The following KIF2C variants were observed in gnomAD, a reference collection of about 807,000 sequenced individuals.
The protein encoded by KIF2C is kinesin family member 2C, also known as kinesin-like protein KIF2C.
A neutral mutation model predicts 97.4 loss-of-function variants in KIF2C; 34 were observed. That is an observed-to-expected ratio of 0.35 (90% CI 0.27 to 0.46). The LOEUF is 0.46. Among genes scored for constraint, KIF2C ranks in the 20% least tolerant of loss-of-function variants. The pLI is 1.00. For synonymous variants in KIF2C, 313 were observed against 318.2 expected (o/e 0.98, Z 0.17); for missense variants, 750 against 907.6 (o/e 0.83, Z 2.23).
At chr1:44,744,309 T>C (rs938344791) in intron 2 of KIF2C, among the ~76,000 whole-genome samples, 9 of 152,180 alleles carry the variant, frequency 5.9e-5, no homozygotes, top group African/African-American at 1.9e-4. Flanking sequence ...GGTTTCCCCA[T>C]GTTGACCAGG....
chr1:44,745,121 G>A (rs1226419745), intron 2 of KIF2C, among the ~76,000 whole-genome samples: 13 of 151,778 alleles, frequency 8.6e-5, no homozygotes, highest in East Asian at 3.9e-4. Context: ...CCTGGGAGGC[G>A]GAGGTTCCAG....
intron 2 of KIF2C, chr1:44,746,535 C>T: frequency 1.5e-6 from 2 of 1,338,620 alleles, no homozygotes; most frequent in Non-Finnish European, 9.5e-7. Context: ...TCTCACCAGA[C>T]AGTTAGAACT....
chr1:44,762,346 G>A lies in KIF2C; in HGVS notation c.1752G>A (p.Arg584=). Residue 584 remains arginine, a splice_region_variant and synonymous_variant, in exon 18 of 21, where the codon AGG becomes AGA. Transcript: ENST00000372224. ...YTLNTLRYAD[R]VKELSPHSGP... ...ATCTGAGACCTCCTTGTTTCCTCAG[G>A]GTCAAGGAGCTGAGCCCCCACAGTG... is the stretch of plus-strand genomic sequence containing the variant. The A allele has an allele frequency of 1.9e-6, 3 of 1,612,186 alleles. No homozygotes were observed. The highest frequency in any genetic ancestry group is 2.2e-5 in the East Asian group (1 of 44,872).
At chr1:44,745,504 G>T (rs1468018503) in intron 2 of KIF2C, among the ~76,000 whole-genome samples, 2 of 85,750 alleles carry the variant, frequency 2.3e-5, no homozygotes, top group East Asian at 7.3e-4. Flanking sequence ...ACAGTGTTTC[G>T]CTCTTGTTGC....
At chr1:44,745,986 C>T (rs886253893) in intron 2 of KIF2C, among the ~76,000 whole-genome samples, 2 of 152,114 alleles carry the variant, frequency 1.3e-5, no homozygotes, top group African/African-American at 2.4e-5. Context: ...ACGCCATTCT[C>T]CTGCCTCAGG....
At position 44,747,464 on chromosome 1, in the gene KIF2C, G is replaced by A; in HGVS notation, c.246G>A (p.Leu82=). The change falls in exon 3 of 21, where the codon TTG becomes TTA. Residue 82 remains leucine (L), a synonymous_variant. Transcript: ENST00000372224. The part of the protein sequence containing the change: ...LPLHPKDNLP[L]QENVTIQKQK... ...TACATCCGAAGGACAATCTGCCCTTGCAGGAAAATGTAACAATCCAGGTAG... is the reference window on the plus strand; with the variant it reads ...TACATCCGAAGGACAATCTGCCCTTACAGGAAAATGTAACAATCCAGGTAG... 1.2e-6 allele frequency: 2 copies of A among 1,608,426 alleles called. No homozygotes were observed. The highest frequency in any genetic ancestry group is 2.2e-5 in the South Asian group (2 of 89,150).
At chr1:44,756,799 G>T (rs146777168) in intron 10 of KIF2C, among the ~76,000 whole-genome samples, 22,437 of 151,076 alleles carry the variant, frequency 0.15, 2,098 homozygotes, top group Non-Finnish European at 0.2. Flanking sequence ...TGATCCGCTC[G>T]CCTTGGCCTC....
At chr1:44,744,224 C>G (rs560308616) in intron 2 of KIF2C, among the ~76,000 whole-genome samples, 1 of 152,272 alleles carries the variant, frequency 6.6e-6, no homozygotes, top group Admixed American at 6.5e-5. Flanking sequence ...TCTCCTCACT[C>G]AGTCTCCCAA....
At chr1:44,753,090 G>T in intron 5 of KIF2C, 42 bp from the exon 6 acceptor site, 1 of 1,587,660 alleles carries the variant, frequency 6.3e-7, no homozygotes, top group Non-Finnish European at 8.6e-7. Context: ...GATGCCTGTG[G>T]TATACTTGCC....
rs1650063038 is a variant in KIF2C at position 44,760,215 on chromosome 1, T to G, written c.1368-65T>G. 6.8e-7 allele frequency: 1 copy of G among 1,479,964 alleles called. No individual in the cohort carries two copies. The highest frequency in any genetic ancestry group is 1.4e-5 in the African/African-American group (1 of 72,336). The allele number at this position is 1,479,964 out of a possible 1,614,324, so 91.7% of individuals were successfully genotyped here. A position where few individuals can be genotyped will look rare whatever the true frequency, so the allele number is the denominator to read the frequency against. Reference sequence around the variant, plus strand: ...CTGTGTCCCTCCCTTCCTAGAGAACTTCTGTGGACTTGGGTGCCATGGGGG... The same window carrying G: ...CTGTGTCCCTCCCTTCCTAGAGAACGTCTGTGGACTTGGGTGCCATGGGGG... On this transcript the variant is annotated intron_variant, in intron 14 of 20. Coordinates refer to ENST00000372224, the MANE Select transcript of KIF2C (RefSeq NM_006845.4). This position sits in a 1 kb window ranked among gnomAD's most constrained non-coding sequence, Gnocchi z 4.2.
intron 1 of KIF2C, 170 bp downstream of exon 1, chr1:44,740,172 G>C: frequency 1.3e-6 from 1 of 782,186 alleles, no homozygotes. Context: ...GCCTACACAG[G>C]GGTGAGAGTC....
chr1:44,750,878 C>CT (rs1649475022), intron 5 of KIF2C, among the ~76,000 whole-genome samples: 1 of 152,098 alleles, frequency 6.6e-6, no homozygotes, highest in Non-Finnish European at 1.5e-5. Context: ...CGCCTGAGTT[C>CT]AAGCCCTGTT....
At chr1:44,752,870 T>C (rs6688710) in intron 5 of KIF2C, among the ~76,000 whole-genome samples, 74,128 of 151,996 alleles carry the variant, frequency 0.49, 18,709 homozygotes, top group African/African-American at 0.62. Context: ...GAGTTCACGC[T>C]CTCAGAGGCT....
chr1:44,748,085 G>A (rs935947809), intron 4 of KIF2C, among the ~76,000 whole-genome samples: 3 of 152,208 alleles, frequency 2.0e-5, no homozygotes, highest in African/African-American at 7.2e-5. Flanking sequence ...TTGTTTAGAA[G>A]TACAGTTGGT....
intron 2 of KIF2C, among the ~76,000 whole-genome samples, chr1:44,745,464 CTTTTTTTT>C (rs869293971): frequency 3.4e-4 from 13 of 38,354 alleles, no homozygotes; most frequent in African/African-American, 9.3e-4. Context: ...TTGTATATGT[CTTTTTTTT>C]TTTTTTTTTT....
intron 11 of KIF2C, 81 bp from the exon 12 acceptor site, chr1:44,757,827 C>T (rs929384687): frequency 1.4e-6 from 2 of 1,421,410 alleles, no homozygotes; most frequent in Non-Finnish European, 2.0e-6. Flanking sequence ...TTGTTGTGGC[C>T]CACTGTAGTG....
At chr1:44,746,810 G>C (rs965891912) in intron 2 of KIF2C, 6 of 1,558,800 alleles carry the variant, frequency 3.8e-6, no homozygotes, top group African/African-American at 1.4e-5. Context: ...TTCATACTTA[G>C]TGGAACTTAA....
intron 19 of KIF2C, among the ~76,000 whole-genome samples, chr1:44,764,838 G>A (rs1650366328): frequency 6.6e-6 from 1 of 152,006 alleles, no homozygotes; most frequent in Admixed American, 6.6e-5. Context: ...AGAATCATTT[G>A]ACCGGGCGCA....
chr1:44,740,845 CTG>C lies in KIF2C; in HGVS notation c.71-65_71-64del, dbSNP rs1013254293. 13 of 811,386 alleles carry C rather than the reference CTG, an allele frequency of 1.6e-5. No homozygotes were observed. In the Admixed American group the frequency reaches 2.5e-4, roughly 16 times the overall value. 50.3% of individuals were successfully genotyped at this position (811,386 alleles called of 1,614,324 possible). A position where few individuals can be genotyped will look rare whatever the true frequency, so the allele number is the denominator to read the frequency against. ...CAGGTTAACTCCACTTTGGGAATCT[CTG>C]TGGAATCCTAAAAGTGAAGCTCTCA... On this transcript the variant is annotated intron_variant, in intron 1 of 20. Coordinates refer to ENST00000372224, the MANE Select transcript of KIF2C (RefSeq NM_006845.4).
Sources: gnomAD v4.1 joint callset for allele counts (sites outside exome capture counted in the v4.1 genomes callset) on GRCh38, gnomAD v4.1.1 for gene constraint, Gnocchi (gnomAD v3.1) non-coding constraint, MANE v1.5 for transcripts, NCBI Gene and HGNC (gene_info 2026-07-23, HGNC 2026-07-21) for gene names.